Variants in PPM1L observed in about 807,000 individuals in gnomAD.
The protein encoded by PPM1L is protein phosphatase 1L.
A neutral mutation model predicts 31.4 loss-of-function variants in PPM1L; 13 were observed. The observed-to-expected ratio is 0.41, with a 90% confidence interval of 0.27 to 0.66. The LOEUF is 0.66. Among genes scored for constraint, PPM1L ranks in the 30% least tolerant of loss-of-function variants. The pLI is 0.29. For missense variants in PPM1L, 326 were observed against 453.7 expected, an observed-to-expected ratio of 0.72 and a Z score of 2.56; for synonymous variants, 184 against 175.4, an observed-to-expected ratio of 1.05 and a Z score of -0.39.
chr3:160,782,863 C>A (rs1711789063), intron 1 of PPM1L, among the ~76,000 whole-genome samples: 1 of 152,138 alleles, frequency 6.6e-6, no homozygotes. Context: ...ATTCTTTGCT[C>A]AGTTTTTAAA....
At chr3:161,017,605 T>A (rs1384369027) in intron 2 of PPM1L, among the ~76,000 whole-genome samples, 3 of 152,144 alleles carry the variant, frequency 2.0e-5, no homozygotes, top group Non-Finnish European at 4.4e-5. Context: ...AAGCCCAGAA[T>A]TGTCGTGGGA....
In PPM1L at chr3:161,065,634, C is replaced by G. The variant is rs1276420735; in HGVS notation, c.736+70C>G. ...TGAACAAGGCGGCTTGCTTGGAGAGCTCCTGGATAAAATGTCCAGTTATGC... is the reference window on the plus strand; with the variant it reads ...TGAACAAGGCGGCTTGCTTGGAGAGGTCCTGGATAAAATGTCCAGTTATGC... On this transcript the variant is annotated intron_variant, in intron 3 of 3. Coordinates refer to ENST00000498165, the MANE Select transcript of PPM1L (RefSeq NM_139245.4). 4.8e-6 allele frequency: 7 copies of G among 1,469,468 alleles called. No individual in the cohort carries two copies. The Admixed American group carries it at 1.3e-4, about 27-fold the overall frequency. 91.0% of individuals were successfully genotyped at this position (1,469,468 alleles called of 1,614,324 possible).
chr3:160,948,908 C>T (rs1446004258), intron 1 of PPM1L, among the ~76,000 whole-genome samples: 1 of 152,038 alleles, frequency 6.6e-6, no homozygotes, highest in African/African-American at 2.4e-5. Context: ...CATGTCTAGA[C>T]CTTAGAAAAT....
At chr3:160,948,898 CAT>C (rs769096934) in intron 1 of PPM1L, among the ~76,000 whole-genome samples, 7 of 152,212 alleles carry the variant, frequency 4.6e-5, no homozygotes, top group Non-Finnish European at 1.0e-4. Flanking sequence ...TAAAAATACA[CAT>C]GTCTAGACCT....
At chr3:160,989,720 C>A (rs933505293) in intron 2 of PPM1L, among the ~76,000 whole-genome samples, 1 of 152,102 alleles carries the variant, frequency 6.6e-6, no homozygotes, top group Non-Finnish European at 1.5e-5. Context: ...AATGCAGTGG[C>A]GTGATCATAG....
At chr3:161,046,811 G>A (rs1341892145) in intron 2 of PPM1L, among the ~76,000 whole-genome samples, 2 of 152,108 alleles carry the variant, frequency 1.3e-5, no homozygotes, top group African/African-American at 4.8e-5. Context: ...ACGTAATCCA[G>A]CATATAAACA....
rs1451500707 is a variant in PPM1L, at chr3:161,078,203, AGAGT to A, written c.*9050_*9053del. On this transcript the variant is annotated 3_prime_UTR_variant, in exon 4 of 4. Coordinates refer to ENST00000498165, the MANE Select transcript of PPM1L (RefSeq NM_139245.4). ...TTAAGGATGGAAAGGAGGAAAGCAC[AGAGT>A]GAGGAGAGAAAAAGGGGAAGGAAAA... 6.6e-6 allele frequency: 1 copy of A among 152,232 alleles called. No homozygotes were observed. The highest frequency in any genetic ancestry group is 1.5e-5 in the Non-Finnish European group (1 of 68,042). The allele number at this position is 152,232 out of a possible 1,614,324, so 9.4% of individuals were successfully genotyped here. A position where few individuals can be genotyped will look rare whatever the true frequency, so the allele number is the denominator to read the frequency against.
At chr3:160,786,207 A>ATATAT (rs1560106768) in intron 1 of PPM1L, among the ~76,000 whole-genome samples, 1 of 30,882 alleles carries the variant, frequency 3.2e-5, no homozygotes, top group Non-Finnish European at 4.7e-5. Context: ...ATATATATAT[A>ATATAT]TTTTTTTTTT....
At chr3:160,917,165 C>T (rs368042506) in intron 1 of PPM1L, among the ~76,000 whole-genome samples, 123 of 152,278 alleles carry the variant, frequency 8.1e-4, no homozygotes, top group African/African-American at 2.9e-3. Context: ...GACTTAGAAG[C>T]TTACATGATA....
At chr3:161,005,010 G>C (rs1249680691) in intron 2 of PPM1L, among the ~76,000 whole-genome samples, 1 of 152,038 alleles carries the variant, frequency 6.6e-6, no homozygotes, top group Non-Finnish European at 1.5e-5. Flanking sequence ...ACACTGCTTT[G>C]AATGCGTCCC....
intron 1 of PPM1L, among the ~76,000 whole-genome samples, chr3:160,780,403 G>A (rs1711701847): frequency 1.3e-5 from 2 of 152,148 alleles, no homozygotes; most frequent in South Asian, 4.2e-4. Context: ...AAAGGGAAGT[G>A]GTCATTCTTT....
At chr3:160,858,016 G>A (rs1056654730) in intron 1 of PPM1L, among the ~76,000 whole-genome samples, 39 of 152,078 alleles carry the variant, frequency 2.6e-4, no homozygotes, top group Non-Finnish European at 2.5e-4. Context: ...AAATTTTAAC[G>A]GAGAGAAAAA....
intron 1 of PPM1L, among the ~76,000 whole-genome samples, chr3:160,918,144 A>G (rs1714257245): frequency 6.6e-6 from 1 of 152,196 alleles, no homozygotes; most frequent in Non-Finnish European, 1.5e-5. Context: ...TGCTTATAAT[A>G]TCATGGCACT....
At chr3:160,784,124 A>AT in intron 1 of PPM1L, among the ~76,000 whole-genome samples, 1 of 152,272 alleles carries the variant, frequency 6.6e-6, no homozygotes, top group Non-Finnish European at 1.5e-5. Flanking sequence ...CAATTTAATA[A>AT]TTTTAATGTA....
intron 2 of PPM1L, among the ~76,000 whole-genome samples, chr3:160,980,441 C>T (rs1716755019): frequency 2.0e-5 from 3 of 152,006 alleles, no homozygotes; most frequent in African/African-American, 4.8e-5. Flanking sequence ...CTTTGGGAGG[C>T]GTAGGACGGG....
chr3:160,867,060 G>C (rs1190025197), intron 1 of PPM1L, among the ~76,000 whole-genome samples: 2 of 150,840 alleles, frequency 1.3e-5, no homozygotes, highest in Non-Finnish European at 2.9e-5. Flanking sequence ...GTCTGGTTTT[G>C]AACTCCTTGG....
chr3:160,948,228 CA>C (rs1476004601), intron 1 of PPM1L, among the ~76,000 whole-genome samples: 1 of 152,146 alleles, frequency 6.6e-6, no homozygotes, highest in Non-Finnish European at 1.5e-5. Flanking sequence ...TATGCCCATC[CA>C]AATTTTAAAA....
chr3:160,855,850 C>A (rs991321613), intron 1 of PPM1L, among the ~76,000 whole-genome samples: 5 of 152,018 alleles, frequency 3.3e-5, no homozygotes, highest in Non-Finnish European at 5.9e-5. Flanking sequence ...CCCAGCAATT[C>A]CATTATTAGG....
At chr3:160,803,941 G>A (rs1053838689) in intron 1 of PPM1L, among the ~76,000 whole-genome samples, 1 of 151,994 alleles carries the variant, frequency 6.6e-6, no homozygotes, top group East Asian at 1.9e-4. Context: ...TTTTTGAGAC[G>A]GAGTCTCGCT....
Sources: gnomAD v4.1 joint callset for allele counts (sites outside exome capture counted in the v4.1 genomes callset) on GRCh38, gnomAD v4.1.1 for gene constraint, MANE v1.5 for transcripts, NCBI Gene and HGNC (gene_info 2026-07-23, HGNC 2026-07-21) for gene names.